The following ATF6 variants were observed in gnomAD, a reference collection of about 807,000 sequenced individuals.
ATF6 encodes cyclic AMP-dependent transcription factor ATF-6 alpha.
ATF6 carries 53 observed loss-of-function variants against 83.6 expected under a neutral mutation model. The observed-to-expected ratio is 0.63, with a 90% CI of 0.51 to 0.80. The LOEUF is 0.80. ATF6 is among the 30% of genes least tolerant of loss of function. The pLI, the probability that ATF6 is intolerant of heterozygous loss-of-function variation, is 0.00. For missense variants in ATF6, 744 were observed against 797.9 expected, an observed-to-expected ratio of 0.93 and a Z score of 0.81; for synonymous variants, 288 against 285.8, an observed-to-expected ratio of 1.01 and a Z score of -0.08.
At chr1:161,835,314 C>T (rs983446202) in intron 9 of ATF6, among the ~76,000 whole-genome samples, 1 of 152,180 alleles carries the variant, frequency 6.6e-6, no homozygotes, top group Non-Finnish European at 1.5e-5. Context: ...CCTCAGCCTC[C>T]TTAAGTGTTG....
At position 161,863,307 on chromosome 1, in the gene ATF6, C is replaced by T. The variant is rs760001414; in HGVS notation, c.1714C>T (p.Arg572Ter). 3.1e-6 allele frequency: 5 copies of T among 1,602,908 alleles called. No homozygotes were observed. Among genetic ancestry groups the T allele is most frequent in the Non-Finnish European group, 3.4e-6 (4 of 1,170,154 alleles). Residue 572 changes from arginine (R) to a stop codon, truncating the protein, a stop_gained, in exon 14 of 16, where the codon CGA becomes TGA. Coordinates refer to ENST00000367942, the MANE Select transcript of ATF6 (RefSeq NM_007348.4). LOFTEE classifies it high-confidence loss of function. ...RGDTFYVVSF[R>*]RDHLLLPATT... Reference sequence around the variant, plus strand: ...AGACACATTTTATGTTGTGTCATTTCGAAGGGTAAGTTCATCTTGAAAGAA... The same window carrying T: ...AGACACATTTTATGTTGTGTCATTTTGAAGGGTAAGTTCATCTTGAAAGAA...
intron 7 of ATF6, 115 bp downstream of exon 7, chr1:161,802,387 A>T: frequency 1.1e-6 from 1 of 880,010 alleles, no homozygotes; most frequent in Non-Finnish European, 1.7e-6. Context: ...ATATTGCATC[A>T]AATAAAAGAG....
intron 9 of ATF6, among the ~76,000 whole-genome samples, chr1:161,827,833 GA>G (rs887529986): frequency 2.0e-5 from 3 of 150,588 alleles, no homozygotes; most frequent in South Asian, 2.1e-4. Flanking sequence ...CGTCACACAG[GA>G]AAAAAAAATA....
intron 14 of ATF6, among the ~76,000 whole-genome samples, chr1:161,889,070 T>C (rs1806594): frequency 0.9 from 137,421 of 152,276 alleles, 62,165 homozygotes; most frequent in African/African-American, 0.96. Context: ...AATCTGAACA[T>C]AGAAACCATC....
chr1:161,799,689 C>G (rs1685100147), intron 6 of ATF6, among the ~76,000 whole-genome samples: 1 of 152,132 alleles, frequency 6.6e-6, no homozygotes, highest in South Asian at 2.1e-4. Context: ...TACTCCAAAT[C>G]CATGAAATTA....
chr1:161,932,958 G>A (rs1270623715), intron 15 of ATF6, among the ~76,000 whole-genome samples: 3 of 152,168 alleles, frequency 2.0e-5, no homozygotes, highest in African/African-American at 4.8e-5. Flanking sequence ...CACATGACAT[G>A]GCCTCTGGCT....
chr1:161,900,722 AC>A (rs1170839681), intron 14 of ATF6, among the ~76,000 whole-genome samples: 2 of 152,176 alleles, frequency 1.3e-5, no homozygotes, highest in African/African-American at 4.8e-5. Context: ...TTGCATATGT[AC>A]ACATCATGAC....
At chr1:161,927,198 A>C (rs1571242272) in intron 15 of ATF6, among the ~76,000 whole-genome samples, 1 of 152,112 alleles carries the variant, frequency 6.6e-6, no homozygotes, top group South Asian at 2.1e-4. Context: ...GGGTTGAGGG[A>C]GGTGAATGGC....
intron 15 of ATF6, among the ~76,000 whole-genome samples, chr1:161,927,135 G>C (rs1388066390): frequency 1.3e-5 from 2 of 151,988 alleles, no homozygotes; most frequent in African/African-American, 4.8e-5. Context: ...TTAGACCCCA[G>C]AGAAAACTTA....
At chr1:161,945,790 T>A (rs967902752) in intron 15 of ATF6, among the ~76,000 whole-genome samples, 5 of 152,220 alleles carry the variant, frequency 3.3e-5, no homozygotes, top group African/African-American at 1.2e-4. Flanking sequence ...CTATGTTATA[T>A]AAGCATTTCA....
At chr1:161,934,932 G>T (rs577109790) in intron 15 of ATF6, among the ~76,000 whole-genome samples, 13 of 152,168 alleles carry the variant, frequency 8.5e-5, no homozygotes, top group African/African-American at 3.1e-4. Flanking sequence ...TTACTTCTCT[G>T]CCTACCCTTG....
intron 14 of ATF6, among the ~76,000 whole-genome samples, chr1:161,900,368 A>G (rs1047652635): frequency 9.9e-5 from 15 of 152,198 alleles, no homozygotes; most frequent in Non-Finnish European, 2.9e-5. Flanking sequence ...GCTTATAAAT[A>G]ATTAACAGAT....
At chr1:161,935,408 GAC>G (rs1412984415) in intron 15 of ATF6, among the ~76,000 whole-genome samples, 2 of 152,180 alleles carry the variant, frequency 1.3e-5, no homozygotes, top group Non-Finnish European at 2.9e-5. Context: ...GCCATTTGAA[GAC>G]ACAGTGAGAA....
At chr1:161,779,866 T>C (rs1684594426) in intron 2 of ATF6, among the ~76,000 whole-genome samples, 1 of 152,078 alleles carries the variant, frequency 6.6e-6, no homozygotes, top group African/African-American at 2.4e-5. Context: ...GCCTCCTGAA[T>C]AGCTGGGACT....
intron 15 of ATF6, among the ~76,000 whole-genome samples, chr1:161,948,875 T>C (rs941578110): frequency 6.6e-6 from 1 of 152,242 alleles, no homozygotes; most frequent in Non-Finnish European, 1.5e-5. Flanking sequence ...CTCAAATGTC[T>C]AGGCTTTGCT....
chr1:161,796,937 A>T (rs552356263), intron 6 of ATF6, among the ~76,000 whole-genome samples: 1 of 151,024 alleles, frequency 6.6e-6, no homozygotes, highest in African/African-American at 2.4e-5. Context: ...TTTTTTTCAC[A>T]TTATGATAAA....
Position 161,792,214 on chromosome 1 carries a change from C to T in ATF6, c.575C>T (p.Thr192Ile), listed in dbSNP as rs771411815. The T allele has an allele frequency of 1.9e-6, 3 of 1,614,030 alleles. No individual in the cohort carries two copies. The highest frequency in any genetic ancestry group is 2.5e-6 in the Non-Finnish European group (3 of 1,180,008). ...TTATTGCTTCCAGCAGCACCCAAGACTCAAACAAACTCCAGTGTTCCAGCA... is the reference window on the plus strand; with the variant it reads ...TTATTGCTTCCAGCAGCACCCAAGATTCAAACAAACTCCAGTGTTCCAGCA... ...KPLLLPAAPKTQTNSSVPAKT... is the reference protein window; with the variant it reads ...KPLLLPAAPKIQTNSSVPAKT... The change falls in exon 6 of 16, where the codon ACT becomes ATT. Residue 192 changes from threonine to isoleucine, a missense_variant. Coordinates refer to ENST00000367942, the MANE Select transcript of ATF6 (RefSeq NM_007348.4).
intron 7 of ATF6, among the ~76,000 whole-genome samples, chr1:161,808,235 T>G (rs1685352284): frequency 6.6e-6 from 1 of 152,190 alleles, no homozygotes; most frequent in South Asian, 2.1e-4. Context: ...CTGATTTTTA[T>G]CTTAATAAAC....
intron 9 of ATF6, among the ~76,000 whole-genome samples, chr1:161,838,618 G>A (rs575269435): frequency 6.6e-6 from 1 of 152,264 alleles, no homozygotes; most frequent in East Asian, 1.9e-4. Context: ...ACAGCTGCAT[G>A]GGTTTCCTCA....
Sources: gnomAD v4.1 joint callset for allele counts (sites outside exome capture counted in the v4.1 genomes callset) on GRCh38, gnomAD v4.1.1 for gene constraint, MANE v1.5 for transcripts, NCBI Gene and HGNC (gene_info 2026-07-23, HGNC 2026-07-21) for gene names.